NSUN6: variants seen among roughly 807,000 people sequenced by gnomAD.
NSUN6 encodes NOP2/Sun RNA methyltransferase 6, also known as tRNA (cytosine(72)-C(5))-methyltransferase NSUN6.
In NSUN6, 64 loss-of-function variants were observed where a neutral mutation model predicts 58.0. The observed-to-expected ratio is 1.10, with a 90% CI of 0.90 to 1.36. The LOEUF is 1.36. NSUN6 is among the 40% of genes most tolerant of loss of function. The probability of loss-of-function intolerance (pLI) is 0.00; values close to 1 mark genes in which losing one functional copy is unlikely to be tolerated. For synonymous variants in NSUN6, 231 were observed against 193.9 expected (o/e 1.19, Z -1.59); for missense variants, 701 against 550.1 (o/e 1.27, Z -2.74).
At chr10:18,648,721 C>A in intron 1 of NSUN6, 76 bp from the exon 2 acceptor site, 1 of 776,978 alleles carries the variant, frequency 1.3e-6, no homozygotes, top group Admixed American at 2.4e-5. Context: ...TTAATTCCAT[C>A]TAATGAAACA....
intron 10 of NSUN6, among the ~76,000 whole-genome samples, chr10:18,546,762 C>T (rs899865815): frequency 2.0e-5 from 3 of 151,986 alleles, no homozygotes; most frequent in Admixed American, 2.0e-4. Context: ...CCTGTAATCC[C>T]AGTTACTTGG....
At chr10:18,557,809 T>C (rs754240884) in intron 8 of NSUN6, among the ~76,000 whole-genome samples, 7 of 145,024 alleles carry the variant, frequency 4.8e-5, no homozygotes, top group Non-Finnish European at 9.0e-5. Flanking sequence ...GGGAATGGAA[T>C]GGAAAATGGT....
intron 8 of NSUN6, among the ~76,000 whole-genome samples, chr10:18,579,311 T>TA (rs1334572407): frequency 6.6e-6 from 1 of 152,024 alleles, no homozygotes; most frequent in Non-Finnish European, 1.5e-5. Flanking sequence ...GCTGGGACTA[T>TA]AGGCGCCCGC....
At chr10:18,562,873 G>A (rs1238190615) in intron 8 of NSUN6, among the ~76,000 whole-genome samples, 1 of 149,172 alleles carries the variant, frequency 6.7e-6, no homozygotes, top group Non-Finnish European at 1.5e-5. Flanking sequence ...ATGGAATAGA[G>A]AATGGAATGG....
intron 7 of NSUN6, among the ~76,000 whole-genome samples, chr10:18,595,877 G>C (rs755976039): frequency 1.3e-5 from 2 of 152,080 alleles, no homozygotes; most frequent in Non-Finnish European, 2.9e-5. Context: ...TGTGAAATTA[G>C]TTTTTAATGG....
At chr10:18,635,300 G>T (rs1301235314) in intron 3 of NSUN6, among the ~76,000 whole-genome samples, 1 of 152,116 alleles carries the variant, frequency 6.6e-6, no homozygotes, top group Non-Finnish European at 1.5e-5. Flanking sequence ...GCTTTTGTAT[G>T]CTTTCATGTA....
At chr10:18,583,418 G>A (rs565845971) in intron 8 of NSUN6, among the ~76,000 whole-genome samples, 6 of 152,150 alleles carry the variant, frequency 3.9e-5, no homozygotes, top group Non-Finnish European at 7.4e-5. Flanking sequence ...AGACGCGGTT[G>A]ACAGTATTAC....
chr10:18,655,026 G>A (rs1282713575), upstream of NSUN6: 2 of 970,932 alleles, frequency 2.1e-6, no homozygotes, highest in East Asian at 1.1e-4. Flanking sequence ...ATACCTTACC[G>A]AGAACTTCCC....
At chr10:18,570,958 C>A (rs2056326426) in intron 8 of NSUN6, among the ~76,000 whole-genome samples, 1 of 149,464 alleles carries the variant, frequency 6.7e-6, no homozygotes, top group African/African-American at 2.5e-5. Flanking sequence ...GTTCTCTTTT[C>A]TCCATTCCAT....
intron 5 of NSUN6, among the ~76,000 whole-genome samples, chr10:18,614,140 A>T (rs1227019838): frequency 6.6e-6 from 1 of 152,150 alleles, no homozygotes; most frequent in Admixed American, 6.6e-5. Context: ...ATCTGGATAG[A>T]TCATCTAATT....
chr10:18,578,253 G>GTTTTTT, intron 8 of NSUN6, among the ~76,000 whole-genome samples: 1 of 77,352 alleles, frequency 1.3e-5, no homozygotes, highest in Non-Finnish European at 2.6e-5. Flanking sequence ...TTTTTTTTGA[G>GTTTTTT]ATGGAGTTTC....
At chr10:18,611,819 C>T (rs2058249475) in intron 5 of NSUN6, among the ~76,000 whole-genome samples, 1 of 152,044 alleles carries the variant, frequency 6.6e-6, no homozygotes, top group Admixed American at 6.6e-5. Context: ...GATCCTCCTG[C>T]CTTAGCTTCC....
intron 8 of NSUN6, among the ~76,000 whole-genome samples, chr10:18,578,820 T>C (rs1016428008): frequency 3.3e-5 from 5 of 152,168 alleles, no homozygotes; most frequent in Non-Finnish European, 7.3e-5. Flanking sequence ...TCAATGATCT[T>C]GTACCATGAC....
intron 8 of NSUN6, among the ~76,000 whole-genome samples, chr10:18,559,814 G>C (rs199546739): frequency 4.9e-4 from 32 of 65,628 alleles, no homozygotes; most frequent in African/African-American, 1.4e-3. Flanking sequence ...GAATGGAAAA[G>C]AGAATGGAAT....
chr10:18,647,345 A>C lies in NSUN6; in HGVS notation c.231+1145T>G, dbSNP rs1264706623. On this transcript the variant is annotated intron_variant, in intron 2 of 10. Coordinates refer to ENST00000377304, the MANE Select transcript of NSUN6 (RefSeq NM_182543.5). ...GGCAGAAATGAGTCTGCTGACACCC[A>C]CGTTACATGTTACCAGTCAGTGAAT... 5.9e-5 allele frequency among the ~76,000 whole-genome samples: 9 copies of C among 152,204 alleles called. No homozygotes were observed. The East Asian group carries it at 1.7e-3, about 29-fold the overall frequency.
At chr10:18,555,350 G>T (rs2054914600) in intron 8 of NSUN6, among the ~76,000 whole-genome samples, 1 of 151,250 alleles carries the variant, frequency 6.6e-6, no homozygotes, top group Admixed American at 6.6e-5. Context: ...AGAATGGAAT[G>T]GTATGGAGAA....
At chr10:18,558,075 G>A (rs2055181762) in intron 8 of NSUN6, among the ~76,000 whole-genome samples, 1 of 150,672 alleles carries the variant, frequency 6.6e-6, no homozygotes, top group Non-Finnish European at 1.5e-5. Context: ...AATAGAGAAT[G>A]GAATGGAATG....
chr10:18,642,217 G>C (rs779550049), intron 3 of NSUN6, among the ~76,000 whole-genome samples: 15 of 146,384 alleles, frequency 1.0e-4, no homozygotes, highest in African/African-American at 3.2e-4. Context: ...CACAGAAAGT[G>C]GGGGGGGGAA....
chr10:18,638,960 A>AT (rs1212875855), intron 3 of NSUN6, among the ~76,000 whole-genome samples: 1 of 150,354 alleles, frequency 6.7e-6, no homozygotes, highest in Non-Finnish European at 1.5e-5. Context: ...AAAAAAAAAA[A>AT]AAAAAAAAAA....
Sources: allele counts gnomAD v4.1 joint callset (sites outside exome capture counted in the v4.1 genomes callset), GRCh38; gene constraint gnomAD v4.1.1; transcripts MANE v1.5; gene names NCBI Gene and HGNC (gene_info 2026-07-23, HGNC 2026-07-21).